The following ZCWPW2 variants were observed in gnomAD, a reference collection of about 807,000 sequenced individuals.
ZCWPW2 encodes zinc finger CW-type PWWP domain protein 2.
A neutral mutation model predicts 46.6 loss-of-function variants in ZCWPW2; 45 were observed. The observed-to-expected ratio is 0.96, with a 90% CI of 0.76 to 1.24. The LOEUF (loss-of-function observed/expected upper bound fraction) is 1.24, where lower values mean the gene tolerates loss of function less well. ZCWPW2 is among the 50% of genes most tolerant of loss of function. ZCWPW2 has a pLI of 0.00. For missense variants in ZCWPW2, 429 were observed against 403.9 expected (o/e 1.06, Z -0.53); for synonymous variants, 152 against 137.1 (o/e 1.11, Z -0.76).
chr3:28,463,170 TTCTTC>T (rs1245727237), intron 4 of ZCWPW2, among the ~76,000 whole-genome samples: 1 of 152,192 alleles, frequency 6.6e-6, no homozygotes, highest in East Asian at 1.9e-4. Flanking sequence ...CTAAGTGTCT[TTCTTC>T]TCTTTCTATA....
At chr3:28,491,185 C>G (rs540967953) in intron 5 of ZCWPW2, among the ~76,000 whole-genome samples, 153 of 152,130 alleles carry the variant, frequency 1.0e-3, no homozygotes, top group Non-Finnish European at 1.8e-3. Context: ...CTTATACATT[C>G]ATTAGTGGAG....
At chr3:28,398,568 C>A (rs1220654997) in intron 2 of ZCWPW2, among the ~76,000 whole-genome samples, 6 of 152,102 alleles carry the variant, frequency 3.9e-5, no homozygotes, top group African/African-American at 9.7e-5. Context: ...TCTGAAGGAA[C>A]CAGATTGCTC....
chr3:28,474,726 A>G (rs1045674635), intron 4 of ZCWPW2, among the ~76,000 whole-genome samples: 1 of 152,056 alleles, frequency 6.6e-6, no homozygotes, highest in South Asian at 2.1e-4. Flanking sequence ...TCCAACTGCT[A>G]CTTGACATCT....
At chr3:28,377,776 A>T (rs140174462) in intron 1 of ZCWPW2, among the ~76,000 whole-genome samples, 1 of 152,096 alleles carries the variant, frequency 6.6e-6, no homozygotes, top group African/African-American at 2.4e-5. Flanking sequence ...TTTTATTCTT[A>T]CAAGTCTTAA....
Position 28,413,140 on chromosome 3 carries a change from G to A in ZCWPW2, c.72G>A (p.Met24Ile). ...CAATGGATTCCTCAGTGGAAAACAT[G>A]TATGTAAACAAAGTGTGGGTTCAAT... ...NYAMDSSVEN[M>I]YVNKVWVQCE... The change falls in exon 3 of 10, where the codon ATG becomes ATA. Residue 24 changes from methionine to isoleucine, a missense_variant. Physicochemically the swap from Met to Ile is conservative, Grantham distance 10. Transcript: ENST00000383768. 1 of 1,613,202 alleles carries A rather than the reference G, an allele frequency of 6.2e-7. No individual in the cohort carries two copies. Among genetic ancestry groups the A allele is most frequent in the Non-Finnish European group, 8.5e-7 (1 of 1,179,464 alleles).
intron 2 of ZCWPW2, among the ~76,000 whole-genome samples, chr3:28,407,542 A>C (rs1696215381): frequency 6.6e-6 from 1 of 152,172 alleles, no homozygotes; most frequent in Admixed American, 6.6e-5. Context: ...TATTATCCCC[A>C]GGTAAGGGAT....
chr3:28,375,136 A>T (rs1705461106), intron 1 of ZCWPW2, among the ~76,000 whole-genome samples: 1 of 151,162 alleles, frequency 6.6e-6, no homozygotes, highest in Non-Finnish European at 1.5e-5. Context: ...TCCTGATGTA[A>T]GTATAACTAC....
intron 4 of ZCWPW2, among the ~76,000 whole-genome samples, chr3:28,474,933 A>G (rs1255904951): frequency 1.3e-5 from 2 of 152,054 alleles, no homozygotes; most frequent in Non-Finnish European, 2.9e-5. Flanking sequence ...GGTTCAAGCA[A>G]TTCTGCTGCC....
chr3:28,369,756 T>C (rs1705246192), intron 1 of ZCWPW2, among the ~76,000 whole-genome samples: 1 of 152,136 alleles, frequency 6.6e-6, no homozygotes, highest in Non-Finnish European at 1.5e-5. Flanking sequence ...CCCGCAGAGG[T>C]GGAGTCTACA....
At chr3:28,516,805 A>C (rs1005946635) in intron 8 of ZCWPW2, among the ~76,000 whole-genome samples, 6 of 150,606 alleles carry the variant, frequency 4.0e-5, no homozygotes, top group Admixed American at 3.3e-4. Flanking sequence ...CCAGGAGTTA[A>C]AGACCAGCCT....
intron 4 of ZCWPW2, among the ~76,000 whole-genome samples, chr3:28,463,655 A>G (rs112284138): frequency 0.011 from 1,736 of 152,222 alleles, 46 homozygotes; most frequent in African/African-American, 0.039. Flanking sequence ...GCATACCTTA[A>G]CCCAATTTTA....
At chr3:28,485,175 G>T (rs1370518531) in intron 5 of ZCWPW2, among the ~76,000 whole-genome samples, 13 of 151,168 alleles carry the variant, frequency 8.6e-5, no homozygotes. Flanking sequence ...TTACTTAGAA[G>T]TGTGTTCCTT....
At chr3:28,407,586 TA>T (rs1166802906) in intron 2 of ZCWPW2, among the ~76,000 whole-genome samples, 3 of 152,170 alleles carry the variant, frequency 2.0e-5, no homozygotes, top group Non-Finnish European at 4.4e-5. Context: ...ATTTGCCTAG[TA>T]AAGAGTGGTA....
chr3:28,451,922 A>C (rs966801968), intron 4 of ZCWPW2, among the ~76,000 whole-genome samples: 2 of 152,348 alleles, frequency 1.3e-5, no homozygotes, highest in East Asian at 1.9e-4. Flanking sequence ...AATTCTCAGC[A>C]AAATTTTATT....
chr3:28,397,826 G>C (rs1695765552), intron 2 of ZCWPW2, among the ~76,000 whole-genome samples: 1 of 152,070 alleles, frequency 6.6e-6, no homozygotes, highest in Non-Finnish European at 1.5e-5. Context: ...CTGTTATTAA[G>C]TTGCTTAGAA....
chr3:28,502,957 C>T (rs1700188239), intron 6 of ZCWPW2, among the ~76,000 whole-genome samples: 1 of 152,080 alleles, frequency 6.6e-6, no homozygotes, highest in Admixed American at 6.6e-5. Flanking sequence ...ATCCTTATTA[C>T]TAAAAAGCAA....
At position 28,348,887 on chromosome 3, in the gene ZCWPW2, C is replaced by A; in HGVS notation, c.-450C>A. On this transcript the variant is annotated 5_prime_UTR_variant, in exon 1 of 10. Coordinates refer to ENST00000383768, the MANE Select transcript of ZCWPW2 (RefSeq NM_001040432.4). The stretch of plus-strand genomic sequence containing the variant: ...AGAAGGCCCGTTACCCAGCAATACG[C>A]GCGCGAGACCCAGGCCCGCCGTCGG... 1 of 929,382 alleles carries A rather than the reference C, an allele frequency of 1.1e-6. No individual in the cohort carries two copies. Among genetic ancestry groups the A allele is most frequent in the Non-Finnish European group, 1.3e-6 (1 of 778,732 alleles). 57.6% of individuals were successfully genotyped at this position (929,382 alleles called of 1,614,324 possible).
chr3:28,368,388 T>G lies in ZCWPW2; in HGVS notation c.-134+19185T>G, dbSNP rs570245020. On this transcript the variant is annotated intron_variant, in intron 1 of 9. Coordinates refer to ENST00000383768, the MANE Select transcript of ZCWPW2 (RefSeq NM_001040432.4). Reference sequence around the variant, plus strand: ...AAATCTCTCAACATTTGCTTGTCTGTAAATAATTTTATTTCTTCTTCACTT... The same window carrying G: ...AAATCTCTCAACATTTGCTTGTCTGGAAATAATTTTATTTCTTCTTCACTT... 4.6e-5 allele frequency among the ~76,000 whole-genome samples: 7 copies of G among 152,308 alleles called. No individual in the cohort carries two copies. In the East Asian group the frequency reaches 5.8e-4, roughly 13 times the overall value.
intron 2 of ZCWPW2, among the ~76,000 whole-genome samples, chr3:28,407,935 C>G (rs1050266876): frequency 2.0e-5 from 3 of 152,104 alleles, no homozygotes; most frequent in East Asian, 1.9e-4. Flanking sequence ...TGCATCTTCT[C>G]TATGTGGCAG....
Sources: gnomAD v4.1 joint callset for allele counts (sites outside exome capture counted in the v4.1 genomes callset) on GRCh38, gnomAD v4.1.1 for gene constraint, MANE v1.5 for transcripts, NCBI Gene and HGNC (gene_info 2026-07-23, HGNC 2026-07-21) for gene names.